Variants in SLC44A5 observed in about 807,000 individuals in gnomAD.
SLC44A5 encodes the protein choline transporter-like protein 5.
SLC44A5 carries 57 observed loss-of-function variants against 101.8 expected under a neutral mutation model. That is an observed-to-expected ratio of 0.56 (90% CI 0.45 to 0.70). SLC44A5 has a LOEUF of 0.70. Ranked by LOEUF, SLC44A5 falls within the 30% of genes least tolerant of loss-of-function variation. SLC44A5 has a pLI of 0.00. For synonymous variants in SLC44A5, 281 were observed against 290.9 expected (o/e 0.97, Z 0.35); for missense variants, 737 against 853.1 (o/e 0.86, Z 1.70).
At chr1:75,332,020 C>T (rs1471392962) in intron 4 of SLC44A5, among the ~76,000 whole-genome samples, 1 of 152,100 alleles carries the variant, frequency 6.6e-6, no homozygotes, top group Non-Finnish European at 1.5e-5. Flanking sequence ...GTTTTCTGCC[C>T]TATTTCTTCC....
chr1:75,375,941 T>A (rs954139539), intron 3 of SLC44A5, among the ~76,000 whole-genome samples: 7 of 152,128 alleles, frequency 4.6e-5, no homozygotes, highest in African/African-American at 1.4e-4. Context: ...TCATCTCACT[T>A]GGGAGTGCCA....
chr1:75,275,043 C>T lies in SLC44A5; in HGVS notation c.176-1G>A. On this transcript the variant is annotated splice_acceptor_variant, in intron 5 of 23. Transcript: ENST00000370859. LOFTEE classifies it high-confidence loss of function. ...CTTCTGGGGTCCCCATGTACCCAGG[C>T]TGCAGGAACAAGAAAGGACAAATAT... 6.2e-7 allele frequency: 1 copy of T among 1,612,122 alleles called. No individual in the cohort carries two copies. Among genetic ancestry groups the T allele is most frequent in the Non-Finnish European group, 8.5e-7 (1 of 1,179,030 alleles).
At chr1:75,486,738 T>C (rs940781130) in intron 2 of SLC44A5, among the ~76,000 whole-genome samples, 3 of 152,228 alleles carry the variant, frequency 2.0e-5, no homozygotes, top group African/African-American at 7.2e-5. Flanking sequence ...AATGATCTTC[T>C]TTGACTCCAT....
At chr1:75,413,908 CAT>C (rs1200656195) in intron 2 of SLC44A5, among the ~76,000 whole-genome samples, 2 of 152,144 alleles carry the variant, frequency 1.3e-5, no homozygotes, top group Non-Finnish European at 2.9e-5. Context: ...CTTTCCACCA[CAT>C]GTGGCCAGTC....
intron 5 of SLC44A5, among the ~76,000 whole-genome samples, chr1:75,283,221 T>C (rs1652761536): frequency 6.6e-6 from 1 of 152,060 alleles, no homozygotes; most frequent in Non-Finnish European, 1.5e-5. Flanking sequence ...TGTGTTGTAG[T>C]TTTGATTTGC....
chr1:75,514,648 C>G (rs1669732579), intron 2 of SLC44A5, among the ~76,000 whole-genome samples: 1 of 152,190 alleles, frequency 6.6e-6, no homozygotes, highest in African/African-American at 2.4e-5. Context: ...ATGGGTTGCA[C>G]CAGCTAAGCA....
intron 2 of SLC44A5, among the ~76,000 whole-genome samples, chr1:75,436,568 C>T (rs994143407): frequency 2.0e-5 from 3 of 152,032 alleles, no homozygotes; most frequent in Non-Finnish European, 4.4e-5. Context: ...TGAGTGAGTG[C>T]TGAGTAAATG....
At chr1:75,702,523 G>T in the SLC44A5 span, among the ~76,000 whole-genome samples, 3 of 152,104 alleles carry the variant, frequency 2.0e-5, no homozygotes, top group South Asian at 6.2e-4. Context: ...ATGGATTAAA[G>T]ACTTAAATGT....
At chr1:75,643,748 T>A in the SLC44A5 span, among the ~76,000 whole-genome samples, 8 of 152,262 alleles carry the variant, frequency 5.3e-5, no homozygotes, top group African/African-American at 1.9e-4. Context: ...ATGGTTTTGC[T>A]TTTCCTTAGC....
Position 75,337,020 on chromosome 1 carries a change from T to C in SLC44A5, c.101+2562A>G, listed in dbSNP as rs1657496950. On this transcript the variant is annotated intron_variant, in intron 4 of 23. Transcript: ENST00000370859. ...ATAGCATCTTAGCAAGAACTTTAAA[T>C]ATAGACTTAGAAGTCCTGAAGTTTA... is the stretch of plus-strand genomic sequence containing the variant. Among the ~76,000 whole-genome samples the C allele has an allele frequency of 3.3e-5, 5 of 152,168 alleles. 1 individual carries two copies. Among genetic ancestry groups the C allele is most frequent in the East Asian group, 1.9e-4 (1 of 5,190 alleles).
At chr1:75,595,193 T>G (rs1007804245) in intron 1 of SLC44A5, among the ~76,000 whole-genome samples, 7 of 152,054 alleles carry the variant, frequency 4.6e-5, no homozygotes, top group African/African-American at 7.2e-5. Context: ...ATTCCAAATG[T>G]GGAAAAGTCA....
intron 1 of SLC44A5, among the ~76,000 whole-genome samples, chr1:75,560,758 AGGCTT>A (rs1410015650): frequency 6.6e-6 from 1 of 152,170 alleles, no homozygotes; most frequent in Non-Finnish European, 1.5e-5. Flanking sequence ...TCACTGAAAC[AGGCTT>A]GTCCCTGAAA....
intron 3 of SLC44A5, among the ~76,000 whole-genome samples, chr1:75,340,398 A>G (rs1657786162): frequency 6.6e-6 from 1 of 152,038 alleles, no homozygotes; most frequent in African/African-American, 2.4e-5. Context: ...TTCCCCTACA[A>G]CCTAAGCACT....
chr1:75,491,288 T>A (rs1668412697), intron 2 of SLC44A5, among the ~76,000 whole-genome samples: 1 of 152,124 alleles, frequency 6.6e-6, no homozygotes, highest in Non-Finnish European at 1.5e-5. Flanking sequence ...GATAAACAGC[T>A]TGAGGTCGAA....
intron 3 of SLC44A5, among the ~76,000 whole-genome samples, chr1:75,354,178 A>G (rs1658895386): frequency 2.6e-5 from 4 of 152,230 alleles, no homozygotes; most frequent in Admixed American, 2.6e-4. Context: ...AATTCCCTTG[A>G]TCATCCTAGT....
the SLC44A5 span, among the ~76,000 whole-genome samples, chr1:75,698,027 T>C: frequency 6.6e-6 from 1 of 152,184 alleles, no homozygotes; most frequent in Non-Finnish European, 1.5e-5. Flanking sequence ...CACTGATTGC[T>C]AGCACAGCAG....
At chr1:75,506,033 T>G (rs1414762531) in intron 2 of SLC44A5, among the ~76,000 whole-genome samples, 2 of 152,158 alleles carry the variant, frequency 1.3e-5, no homozygotes, top group Non-Finnish European at 2.9e-5. Context: ...TTGTATATGG[T>G]TCAAGGTAGG....
intron 1 of SLC44A5, among the ~76,000 whole-genome samples, chr1:75,592,701 G>A (rs1355879466): frequency 6.6e-6 from 1 of 151,994 alleles, no homozygotes; most frequent in Non-Finnish European, 1.5e-5. Flanking sequence ...CACACCCACA[G>A]TGAACTCATT....
intron 23 of SLC44A5, among the ~76,000 whole-genome samples, chr1:75,210,481 A>G (rs1431066701): frequency 2.0e-5 from 3 of 152,264 alleles, no homozygotes; most frequent in Admixed American, 2.0e-4. Context: ...AATTAATCCA[A>G]CTATTTCCTA....
Sources: allele counts gnomAD v4.1 joint callset (sites outside exome capture counted in the v4.1 genomes callset), GRCh38; gene constraint gnomAD v4.1.1; transcripts MANE v1.5; gene names NCBI Gene and HGNC (gene_info 2026-07-23, HGNC 2026-07-21).